Variants in RNF24 observed in about 807,000 individuals in gnomAD.
The protein encoded by RNF24 is ring finger protein 24.
Under a neutral mutation model 20.0 loss-of-function variants are expected in RNF24, and 14 were observed. The ratio of observed to expected loss-of-function variants is 0.70; its 90% CI spans 0.46 to 1.10. The LOEUF (loss-of-function observed/expected upper bound fraction) is 1.10, where lower values mean the gene tolerates loss of function less well. RNF24 is among the 50% of genes least tolerant of loss of function. The pLI is 0.00. For synonymous variants in RNF24, 45 were observed against 61.1 expected (o/e 0.74, Z 1.23); for missense variants, 124 against 177.6 (o/e 0.70, Z 1.71).
In RNF24 at chr20:3,934,276, A is replaced by C. The variant is rs188771982; in HGVS notation, c.309-75T>G. On this transcript the variant is annotated intron_variant, in intron 5 of 5. Transcript: ENST00000358395. This position sits in a 1 kb window ranked among gnomAD's most constrained non-coding sequence, Gnocchi z 4.0. ...CACGGCTGTTCTGCTGAACATCTCC[A>C]TATCTGTCACCCAGACAACGTCTGC... 2 of 1,458,934 alleles carry C rather than the reference A, an allele frequency of 1.4e-6. No homozygotes were observed. Among genetic ancestry groups the C allele is most frequent in the Non-Finnish European group, 1.9e-6 (2 of 1,076,294 alleles). The allele number at this position is 1,458,934 out of a possible 1,614,324, so 90.4% of individuals were successfully genotyped here. A position where few individuals can be genotyped will look rare whatever the true frequency, so the allele number is the denominator to read the frequency against.
chr20:3,933,350 C>T lies in RNF24; in HGVS notation c.*713G>A, dbSNP rs2090848462. On this transcript the variant is annotated 3_prime_UTR_variant, in exon 6 of 6. Transcript: ENST00000358395. ...GGATCACTCAGGGACAGTGTGGACT[C>T]AGGGCCCACTCCCTGCTGGGGCTCT... is the stretch of plus-strand genomic sequence containing the variant. The T allele has an allele frequency of 2.5e-6, 1 of 397,286 alleles. No individual in the cohort carries two copies. Among genetic ancestry groups the T allele is most frequent in the Non-Finnish European group, 4.4e-6 (1 of 225,840 alleles). 24.6% of individuals were successfully genotyped at this position (397,286 alleles called of 1,614,324 possible). A position where few individuals can be genotyped will look rare whatever the true frequency, so the allele number is the denominator to read the frequency against.
chr20:3,998,520 A>C (rs192286025), intron 1 of RNF24, among the ~76,000 whole-genome samples: 2 of 132,544 alleles, frequency 1.5e-5, no homozygotes, highest in East Asian at 5.1e-4. Context: ...GGTTGCAGTG[A>C]GCCGAGATTG....
intron 1 of RNF24, among the ~76,000 whole-genome samples, chr20:4,012,076 T>C (rs1045439732): frequency 1.7e-4 from 26 of 152,188 alleles, no homozygotes; most frequent in African/African-American, 2.9e-4. Context: ...CACATTGTAA[T>C]AGCATTATTA....
rs1417413618 is a variant in RNF24 at position 3,930,440 on chromosome 20, G to C, written c.*3623C>G. 6.6e-6 allele frequency: 1 copy of C among 152,156 alleles called. No homozygotes were observed. The allele number at this position is 152,156 out of a possible 1,614,324, so 9.4% of individuals were successfully genotyped here. On this transcript the variant is annotated 3_prime_UTR_variant, in exon 6 of 6. Transcript: ENST00000358395. Reference sequence around the variant, plus strand: ...GTATCAGCAGCCCCCATGACACCAGGCCTGCTGCCTACCAGGCTCTGGGCA... The same window carrying C: ...GTATCAGCAGCCCCCATGACACCAGCCCTGCTGCCTACCAGGCTCTGGGCA...
chr20:3,947,171 C>G (rs142486306), intron 3 of RNF24, among the ~76,000 whole-genome samples: 1 of 152,042 alleles, frequency 6.6e-6, no homozygotes, highest in Admixed American at 6.5e-5. Context: ...TCCAGCCTGG[C>G]GACAGAGCGA....
In RNF24 at chr20:4,004,607, G is replaced by C. The variant is rs974716523; in HGVS notation, c.-8+10830C>G. ...GATCCAATGGCAAGTGTCTTTATAA[G>C]AGAGAAAGAGAAGACCATATGAAGA... On this transcript the variant is annotated intron_variant, in intron 1 of 5. Transcript: ENST00000358395. Among the ~76,000 whole-genome samples the C allele has an allele frequency of 4.3e-4, 66 of 152,186 alleles. 1 individual carries two copies. The highest frequency in any genetic ancestry group is 1.6e-3 in the African/African-American group (65 of 41,460).
At chr20:3,996,941 C>T (rs1032402386) in intron 1 of RNF24, among the ~76,000 whole-genome samples, 10 of 152,116 alleles carry the variant, frequency 6.6e-5, no homozygotes, top group Non-Finnish European at 1.3e-4. Flanking sequence ...ACATTTTAGG[C>T]TGGGCGTGGT....
At chr20:4,008,553 TATA>T (rs1183860938) in intron 1 of RNF24, among the ~76,000 whole-genome samples, 3 of 124,248 alleles carry the variant, frequency 2.4e-5, no homozygotes, top group Non-Finnish European at 3.2e-5. Flanking sequence ...TATATATATA[TATA>T]TTTTTTTTTG....
At position 3,932,707 on chromosome 20, in the gene RNF24, G is replaced by A. The variant is rs2090839177; in HGVS notation, c.*1356C>T. ...TGGAGTGGAGCAAAGCAGTTGACGA[G>A]GAATTGAGGCAGGCGCTCCTAAGAT... On this transcript the variant is annotated 3_prime_UTR_variant, in exon 6 of 6. Transcript: ENST00000358395. The A allele has an allele frequency of 1.0e-5, 4 of 390,770 alleles. No homozygotes were observed. Among genetic ancestry groups the A allele is most frequent in the East Asian group, 3.6e-5 (1 of 27,560 alleles). 24.2% of individuals were successfully genotyped at this position (390,770 alleles called of 1,614,324 possible).
chr20:4,012,701 A>C (rs999664997), intron 1 of RNF24, among the ~76,000 whole-genome samples: 1 of 152,216 alleles, frequency 6.6e-6, no homozygotes, highest in Non-Finnish European at 1.5e-5. Context: ...ACAGAATGCT[A>C]AACTATGGGT....
chr20:3,945,396 G>C (rs1401002736), intron 3 of RNF24, among the ~76,000 whole-genome samples, 178 bp from the exon 4 acceptor site: 1 of 151,698 alleles, frequency 6.6e-6, no homozygotes, highest in Non-Finnish European at 1.5e-5. Flanking sequence ...TTTTTAACTT[G>C]AGCAATGATG....
At chr20:3,938,553 C>A (rs921827121) in intron 4 of RNF24, among the ~76,000 whole-genome samples, 2 of 152,026 alleles carry the variant, frequency 1.3e-5, no homozygotes, top group African/African-American at 4.8e-5. Flanking sequence ...TACAAAAGAC[C>A]CTGTTAGGAT....
Position 3,928,948 on chromosome 20 carries a change from A to T in RNF24, c.*5115T>A, listed in dbSNP as rs960322310. 7 of 151,646 alleles carry T rather than the reference A, an allele frequency of 4.6e-5. No individual in the cohort carries two copies. Among genetic ancestry groups the T allele is most frequent in the African/African-American group, 1.7e-4 (7 of 41,306 alleles). 9.4% of individuals were successfully genotyped at this position (151,646 alleles called of 1,614,324 possible). A position where few individuals can be genotyped will look rare whatever the true frequency, so the allele number is the denominator to read the frequency against. On this transcript the variant is annotated 3_prime_UTR_variant, in exon 6 of 6. Coordinates refer to ENST00000358395, the MANE Select transcript of RNF24 (RefSeq NM_001134337.3). ...ACTGCAACTTCTGTCTCCCGGGTTC[A>T]ATCAATTCTCCTGTCCCAGCCTCCT...
intron 2 of RNF24, among the ~76,000 whole-genome samples, chr20:3,952,817 T>C (rs2091097031): frequency 6.6e-6 from 1 of 152,210 alleles, no homozygotes; most frequent in Admixed American, 6.5e-5. Context: ...TAATGTGCTA[T>C]ATTGTATTGA....
chr20:3,942,311 C>T (rs1203579452), intron 4 of RNF24, among the ~76,000 whole-genome samples: 1 of 145,370 alleles, frequency 6.9e-6, no homozygotes, highest in South Asian at 2.2e-4. Flanking sequence ...TGGGACTATA[C>T]ATGTGTGCCA....
rs148769383 is a variant in RNF24, at chr20:3,979,293, T to A, written c.-7-15269A>T. Among the ~76,000 whole-genome samples, 331 of 152,194 alleles carry A rather than the reference T, an allele frequency of 2.2e-3. 3 individuals are homozygous for A. Among genetic ancestry groups the A allele is most frequent in the African/African-American group, 7.8e-3 (324 of 41,544 alleles). Reference sequence around the variant, plus strand: ...AGAACAGAACTCTTAGAGGCCACAATACGTGACTACAATGTGTAAAATTAA... The same window carrying A: ...AGAACAGAACTCTTAGAGGCCACAAAACGTGACTACAATGTGTAAAATTAA... On this transcript the variant is annotated intron_variant, in intron 1 of 5. Coordinates refer to ENST00000358395, the MANE Select transcript of RNF24 (RefSeq NM_001134337.3).
intron 1 of RNF24, among the ~76,000 whole-genome samples, chr20:3,998,101 T>A (rs1292165556): frequency 6.6e-6 from 1 of 152,204 alleles, no homozygotes; most frequent in Admixed American, 6.6e-5. Context: ...TAATTGGTTA[T>A]CCTGAAATAA....
rs58334745 is a variant in RNF24 at position 3,944,209 on chromosome 20, CA to C, written c.228+967del. The stretch of plus-strand genomic sequence containing the variant: ...TGGATGACAGAGTAAGACCCCGTCT[CA>C]AAAAAAAAAAAAAAAAAAAATCAAA... On this transcript the variant is annotated intron_variant, in intron 4 of 5. Transcript: ENST00000358395. Among the ~76,000 whole-genome samples, 768 of 109,858 alleles carry C rather than the reference CA, an allele frequency of 7.0e-3. 5 individuals are homozygous for C. Among genetic ancestry groups the C allele is most frequent in the African/African-American group, 0.019 (638 of 33,112 alleles). The allele number at this position is 109,858 out of a possible 152,430, so 72.1% of individuals were successfully genotyped here. A position where few individuals can be genotyped will look rare whatever the true frequency, so the allele number is the denominator to read the frequency against.
intron 1 of RNF24, among the ~76,000 whole-genome samples, chr20:4,008,513 ATATAT>A (rs1346506116): frequency 8.7e-6 from 1 of 115,154 alleles, no homozygotes; most frequent in Non-Finnish European, 1.7e-5. Flanking sequence ...TATACATATT[ATATAT>A]TATATATATA....
Sources: gnomAD v4.1 joint callset for allele counts (sites outside exome capture counted in the v4.1 genomes callset) on GRCh38, gnomAD v4.1.1 for gene constraint, Gnocchi (gnomAD v3.1) non-coding constraint, MANE v1.5 for transcripts, NCBI Gene and HGNC (gene_info 2026-07-23, HGNC 2026-07-21) for gene names.